MAMDC2: variants seen among roughly 807,000 people sequenced by gnomAD.
MAMDC2 encodes the protein MAM domain-containing protein 2.
MAMDC2 carries 57 observed loss-of-function variants against 89.8 expected under a neutral mutation model. The observed-to-expected ratio is 0.63, with a 90% CI of 0.51 to 0.79. MAMDC2 has a LOEUF of 0.79. MAMDC2 is among the 30% of genes least tolerant of loss of function. MAMDC2 has a pLI of 0.00. For missense variants in MAMDC2, 800 were observed against 820.6 expected, an observed-to-expected ratio of 0.97 and a Z score of 0.31; for synonymous variants, 313 against 293.4, an observed-to-expected ratio of 1.07 and a Z score of -0.68.
chr9:70,093,915 T>C (rs1461113781), intron 2 of MAMDC2: 3 of 152,336 alleles, frequency 2.0e-5, no homozygotes, highest in East Asian at 3.9e-4. Context: ...CCTTTCCAAA[T>C]ATTATGTGAC....
chr9:70,211,063 T>C (rs2033345359), intron 11 of MAMDC2, among the ~76,000 whole-genome samples: 1 of 152,214 alleles, frequency 6.6e-6, no homozygotes, highest in African/African-American at 2.4e-5. Context: ...TTAACATTTT[T>C]CCTCCATTTC....
chr9:70,181,314 A>T (rs903683449), intron 11 of MAMDC2, among the ~76,000 whole-genome samples: 4 of 152,328 alleles, frequency 2.6e-5, no homozygotes, highest in African/African-American at 9.6e-5. Flanking sequence ...CTTTTTGCTT[A>T]GGATAGTCTT....
chr9:70,225,926 A>G (rs370326618), intron 13 of MAMDC2, 42 bp from the exon 14 acceptor site: 3 of 1,454,226 alleles, frequency 2.1e-6, no homozygotes, highest in African/African-American at 2.9e-5. Flanking sequence ...ATATTTTTCT[A>G]TAATAAAAAT....
At chr9:70,090,101 T>C (rs561305238) in intron 2 of MAMDC2, among the ~76,000 whole-genome samples, 3 of 146,162 alleles carry the variant, frequency 2.1e-5, no homozygotes, top group African/African-American at 2.6e-5. Context: ...AACAACCCAA[T>C]TAAAAAAATA....
chr9:70,207,991 A>T lies in MAMDC2; in HGVS notation c.1652-10346A>T, dbSNP rs1376160712. Among the ~76,000 whole-genome samples the T allele has an allele frequency of 2.6e-5, 4 of 152,136 alleles. No homozygotes were observed. The East Asian group carries it at 7.7e-4, about 29-fold the overall frequency. The stretch of plus-strand genomic sequence containing the variant: ...GCTCTGTTCTGTTCCATTGGTCTAT[A>T]TCTCTGTTTTGGTACCAGTACCATG... On this transcript the variant is annotated intron_variant, in intron 11 of 13. Coordinates refer to ENST00000377182, the MANE Select transcript of MAMDC2 (RefSeq NM_153267.5).
chr9:70,202,445 A>T (rs1217137794), intron 11 of MAMDC2, among the ~76,000 whole-genome samples: 2 of 151,342 alleles, frequency 1.3e-5, no homozygotes, highest in Non-Finnish European at 3.0e-5. Context: ...CTGTTCTTTT[A>T]CATTTGCTGA....
intron 5 of MAMDC2, among the ~76,000 whole-genome samples, chr9:70,114,080 A>G (rs974782507): frequency 4.0e-5 from 6 of 151,068 alleles, no homozygotes; most frequent in African/African-American, 1.5e-4. Flanking sequence ...ATATTTAACC[A>G]TGTCTCCAAC....
At chr9:70,180,819 T>C (rs913678723) in intron 11 of MAMDC2, among the ~76,000 whole-genome samples, 12 of 152,126 alleles carry the variant, frequency 7.9e-5, no homozygotes, top group Admixed American at 7.9e-4. Flanking sequence ...AATACTCTGA[T>C]GGCAGTTTCT....
intron 6 of MAMDC2, among the ~76,000 whole-genome samples, chr9:70,129,430 C>T (rs2030699501): frequency 6.6e-6 from 1 of 152,102 alleles, no homozygotes; most frequent in Non-Finnish European, 1.5e-5. Flanking sequence ...TATAAATTAC[C>T]CAGTCTCGGT....
At chr9:70,217,190 T>C in intron 11 of MAMDC2, 1 of 719,054 alleles carries the variant, frequency 1.4e-6, no homozygotes, top group Non-Finnish European at 2.5e-6. Flanking sequence ...CGTGGAGCCG[T>C]CGCCACGAAG....
At chr9:70,190,225 T>C (rs1480399976) in intron 11 of MAMDC2, among the ~76,000 whole-genome samples, 3 of 152,162 alleles carry the variant, frequency 2.0e-5, no homozygotes, top group African/African-American at 7.2e-5. Context: ...CTTCTCCCCA[T>C]AGTTTTTTTG....
chr9:70,062,901 G>A (rs921887534), intron 2 of MAMDC2: 1 of 152,190 alleles, frequency 6.6e-6, no homozygotes, highest in Admixed American at 6.5e-5. Flanking sequence ...ATCTTCAGAT[G>A]CCAGGTGATG....
At chr9:70,151,315 A>G (rs901985832) in intron 9 of MAMDC2, among the ~76,000 whole-genome samples, 2 of 152,206 alleles carry the variant, frequency 1.3e-5, no homozygotes, top group Non-Finnish European at 2.9e-5. Context: ...CAAATCTGAA[A>G]TGATCTCATT....
At position 70,170,530 on chromosome 9, in the gene MAMDC2, C is replaced by T. The variant is rs2032308948; in HGVS notation, c.1550C>T (p.Thr517Ile). ...GECTFEQDEC[T>I]FTQEKRNRSS... is the part of the protein sequence containing the mutation. ...TGTACTTTCGAGCAAGATGAATGTACATTTACTCAGGAGAAAAGAAACCGG... is the reference window on the plus strand; with the variant it reads ...TGTACTTTCGAGCAAGATGAATGTATATTTACTCAGGAGAAAAGAAACCGG... The change falls in exon 11 of 14, where the codon ACA (threonine) becomes ATA (isoleucine). Residue 517 changes from threonine (T) to isoleucine (I), a missense_variant. Thr to Ile is a moderately conservative substitution (Grantham distance 89). Coordinates refer to ENST00000377182, the MANE Select transcript of MAMDC2 (RefSeq NM_153267.5). The T allele has an allele frequency of 9.9e-6, 16 of 1,613,058 alleles. No homozygotes were observed. Among genetic ancestry groups the T allele is most frequent in the Non-Finnish European group, 1.2e-5 (14 of 1,179,820 alleles).
chr9:70,053,344 A>T (rs569648935), intron 2 of MAMDC2, among the ~76,000 whole-genome samples: 12 of 152,358 alleles, frequency 7.9e-5, no homozygotes, highest in African/African-American at 2.4e-4. Flanking sequence ...TGCATCATGA[A>T]TAAATAATAT....
intron 9 of MAMDC2, among the ~76,000 whole-genome samples, chr9:70,160,545 CT>C (rs1258642447): frequency 6.6e-6 from 1 of 152,220 alleles, no homozygotes; most frequent in Admixed American, 6.5e-5. Flanking sequence ...ATCAGACACA[CT>C]TTGCTCTCAA....
chr9:70,122,752 A>T (rs2030341050), intron 5 of MAMDC2, among the ~76,000 whole-genome samples: 1 of 152,200 alleles, frequency 6.6e-6, no homozygotes, highest in South Asian at 2.1e-4. Flanking sequence ...AAATGTTAAG[A>T]TTATTTTATT....
chr9:70,219,369 G>C (rs946685087), intron 12 of MAMDC2, among the ~76,000 whole-genome samples: 2 of 152,192 alleles, frequency 1.3e-5, no homozygotes, highest in Non-Finnish European at 2.9e-5. Context: ...TTGCTCTGTA[G>C]AATTCTCAAG....
At chr9:70,197,704 C>T (rs915603406) in intron 11 of MAMDC2, among the ~76,000 whole-genome samples, 37 of 152,084 alleles carry the variant, frequency 2.4e-4, no homozygotes, top group African/African-American at 8.9e-4. Flanking sequence ...CAATGCTCTT[C>T]CAAAAGTTTT....
Sources: gnomAD v4.1 joint callset for allele counts (sites outside exome capture counted in the v4.1 genomes callset) on GRCh38, gnomAD v4.1.1 for gene constraint, MANE v1.5 for transcripts, NCBI Gene and HGNC (gene_info 2026-07-23, HGNC 2026-07-21) for gene names.